Variants in ATP10B observed in about 807,000 individuals in gnomAD.
ATP10B encodes phospholipid-transporting ATPase VB.
ATP10B carries 122 observed loss-of-function variants against 141.2 expected under a neutral mutation model. The ratio of observed to expected loss-of-function variants is 0.86; its 90% CI spans 0.75 to 1.00. ATP10B has a LOEUF of 1.00. Ranked by LOEUF, ATP10B falls within the 50% of genes least tolerant of loss-of-function variation. ATP10B has a pLI of 0.00. For missense variants in ATP10B, 1,876 were observed against 1,825.3 expected (o/e 1.03, Z -0.51); for synonymous variants, 685 against 692.0 (o/e 0.99, Z 0.16).
chr5:160,610,721 T>G (rs1199509441), intron 18 of ATP10B, among the ~76,000 whole-genome samples: 2 of 152,210 alleles, frequency 1.3e-5, no homozygotes, highest in Admixed American at 6.5e-5. Context: ...ATATTAAAAC[T>G]TCAATATAGG....
chr5:160,811,733 A>G (rs923726397), intron 1 of ATP10B, among the ~76,000 whole-genome samples: 2 of 152,172 alleles, frequency 1.3e-5, no homozygotes, highest in African/African-American at 2.4e-5. Flanking sequence ...TGGCTTCCAG[A>G]CAGTATCTCT....
chr5:160,678,526 G>A (rs1161924527), intron 6 of ATP10B, among the ~76,000 whole-genome samples: 1 of 152,064 alleles, frequency 6.6e-6, no homozygotes, highest in African/African-American at 2.4e-5. Flanking sequence ...GGGCATGATG[G>A]TGCATGCCTG....
At chr5:160,730,125 G>A (rs1190442876) in intron 2 of ATP10B, among the ~76,000 whole-genome samples, 2 of 151,878 alleles carry the variant, frequency 1.3e-5, no homozygotes, top group African/African-American at 4.8e-5. Context: ...TAGGCACTAT[G>A]CACGATGATT....
chr5:160,734,520 TATTA>T (rs1766974532), intron 2 of ATP10B, among the ~76,000 whole-genome samples: 2 of 152,128 alleles, frequency 1.3e-5, no homozygotes, highest in Non-Finnish European at 2.9e-5. Flanking sequence ...CTAAGTAGAC[TATTA>T]AAAGTTAAGA....
chr5:160,700,075 A>T (rs563719967), intron 3 of ATP10B, among the ~76,000 whole-genome samples: 2 of 152,242 alleles, frequency 1.3e-5, no homozygotes, highest in East Asian at 3.9e-4. Flanking sequence ...AAGCCACAGG[A>T]AAGAGTGGAG....
At chr5:160,626,587 C>G (rs1255115225) in intron 13 of ATP10B, among the ~76,000 whole-genome samples, 1 of 152,206 alleles carries the variant, frequency 6.6e-6, no homozygotes, top group Non-Finnish European at 1.5e-5. Flanking sequence ...CCCTTTAACG[C>G]TATGCCAACA....
Position 160,835,580 on chromosome 5 carries a change from G to T in ATP10B, c.-576+16361C>A, listed in dbSNP as rs932946459. 9.9e-5 allele frequency among the ~76,000 whole-genome samples: 15 copies of T among 152,208 alleles called. 1 individual carries two copies. Among genetic ancestry groups the T allele is most frequent in the African/African-American group, 3.1e-4 (13 of 41,542 alleles). On this transcript the variant is annotated intron_variant, in intron 1 of 25. Transcript: ENST00000327245. The stretch of plus-strand genomic sequence containing the variant: ...CTCACCTCAGGGGTTAAGGATAAAG[G>T]CAAGCTTGGGGCACACACAGCATTG...
intron 7 of ATP10B, among the ~76,000 whole-genome samples, chr5:160,653,208 A>T (rs1340944135): frequency 1.5e-5 from 2 of 135,226 alleles, no homozygotes; most frequent in Non-Finnish European, 3.1e-5. Context: ...ATTATATACT[A>T]TATATCATAT....
intron 14 of ATP10B, 118 bp from the exon 15 acceptor site, chr5:160,621,068 G>A: frequency 1.6e-6 from 2 of 1,270,410 alleles, no homozygotes; most frequent in South Asian, 1.5e-5. Flanking sequence ...TTTTCCTCCA[G>A]CCCTGAAATT....
chr5:160,775,712 G>A (rs1021817390), intron 2 of ATP10B, among the ~76,000 whole-genome samples: 6 of 126,142 alleles, frequency 4.8e-5, no homozygotes, highest in Non-Finnish European at 7.8e-5. Flanking sequence ...ATGGAGTCTC[G>A]CTCTGTTGCC....
At chr5:160,580,882 C>G (rs1038776456) in intron 24 of ATP10B, among the ~76,000 whole-genome samples, 11 of 152,230 alleles carry the variant, frequency 7.2e-5, no homozygotes, top group African/African-American at 2.4e-4. Flanking sequence ...CTGGTTTAGT[C>G]TTGGGAGAGT....
At chr5:160,740,664 C>T (rs1415235794) in intron 2 of ATP10B, among the ~76,000 whole-genome samples, 2 of 152,202 alleles carry the variant, frequency 1.3e-5, no homozygotes, top group Non-Finnish European at 2.9e-5. Flanking sequence ...CAGCAATGGC[C>T]TGTGGTCTCA....
chr5:160,863,395 A>G, the ATP10B span, among the ~76,000 whole-genome samples: 2 of 151,988 alleles, frequency 1.3e-5, no homozygotes, highest in African/African-American at 4.8e-5. Context: ...GAACTGGAGG[A>G]GAGGGCATGT....
At chr5:160,802,792 G>A (rs891584283) in intron 1 of ATP10B, among the ~76,000 whole-genome samples, 1 of 152,196 alleles carries the variant, frequency 6.6e-6, no homozygotes, top group Admixed American at 6.5e-5. Flanking sequence ...GCTGTGTCAG[G>A]ATTCAAAGTA....
intron 7 of ATP10B, among the ~76,000 whole-genome samples, chr5:160,663,789 T>TA (rs11424191): frequency 0.82 from 123,570 of 151,058 alleles, 50,822 homozygotes; most frequent in South Asian, 0.88. Context: ...TAAAGTATAA[T>TA]AAAAAAAAAT....
At position 160,714,560 on chromosome 5, in the gene ATP10B, A is replaced by G. The variant is rs1765473132; in HGVS notation, c.-205+2349T>C. Among the ~76,000 whole-genome samples the G allele has an allele frequency of 5.9e-5, 6 of 101,124 alleles. No individual in the cohort carries two copies. The South Asian group carries it at 2.0e-3, about 34-fold the overall frequency. The allele number at this position is 101,124 out of a possible 152,430, so 66.3% of individuals were successfully genotyped here. A position where few individuals can be genotyped will look rare whatever the true frequency, so the allele number is the denominator to read the frequency against. ...TTCAACTTCTTTGCCTTTGGTTTGA[A>G]TGTCCTCCCGTAACTTAGAGTAATT... On this transcript the variant is annotated intron_variant, in intron 3 of 25. Transcript: ENST00000327245.
chr5:160,827,726 T>G (rs749264386), intron 1 of ATP10B, among the ~76,000 whole-genome samples: 23 of 152,218 alleles, frequency 1.5e-4, no homozygotes, highest in Non-Finnish European at 3.2e-4. Flanking sequence ...ATTTAAATCT[T>G]TAATCCATCT....
chr5:160,701,407 T>A (rs1355765475), intron 3 of ATP10B, among the ~76,000 whole-genome samples: 1 of 152,170 alleles, frequency 6.6e-6, no homozygotes, highest in Non-Finnish European at 1.5e-5. Context: ...ACCAGCATGC[T>A]GTAACCCACT....
chr5:160,785,881 C>T (rs1771110176), intron 1 of ATP10B, 78 bp from the exon 2 acceptor site: 2 of 271,380 alleles, frequency 7.4e-6, no homozygotes, highest in South Asian at 7.9e-5. Flanking sequence ...GTATTTTGCC[C>T]TTTTCTCTTT....
Sources: gnomAD v4.1 joint callset for allele counts (sites outside exome capture counted in the v4.1 genomes callset) on GRCh38, gnomAD v4.1.1 for gene constraint, MANE v1.5 for transcripts, NCBI Gene and HGNC (gene_info 2026-07-23, HGNC 2026-07-21) for gene names.